Variants in CENPU observed in about 807,000 individuals in gnomAD.
CENPU encodes centromere protein U, also known as KSHV latent nuclear antigen interacting protein 1.
Under a neutral mutation model 56.7 loss-of-function variants are expected in CENPU, and 46 were observed. That is an observed-to-expected ratio of 0.81 (90% CI 0.64 to 1.04). The LOEUF (loss-of-function observed/expected upper bound fraction) is 1.04. Among genes scored for constraint, CENPU ranks in the 50% least tolerant of loss-of-function variants. CENPU has a pLI of 0.00. For missense variants in CENPU, 510 were observed against 490.1 expected (o/e 1.04, Z -0.38); for synonymous variants, 166 against 163.0 (o/e 1.02, Z -0.14).
chr4:184,694,465 T>C lies in CENPU; in HGVS notation c.*823A>G. On this transcript the variant is annotated 3_prime_UTR_variant, in exon 13 of 13. Transcript: ENST00000281453. ...ACATAGAGTATAAGGTTAAATCACA[T>C]ATCCTGAGTAAATATTTTCCTATCC... 1 of 1,569,922 alleles carries C rather than the reference T, an allele frequency of 6.4e-7. No homozygotes were observed. Among genetic ancestry groups the C allele is most frequent in the East Asian group, 2.3e-5 (1 of 44,052 alleles).
chr4:184,718,201 C>T (rs1290761028), intron 4 of CENPU, among the ~76,000 whole-genome samples: 5 of 152,176 alleles, frequency 3.3e-5, no homozygotes, highest in African/African-American at 1.2e-4. Flanking sequence ...CAAGTAAGCA[C>T]AGCAAGGGTC....
intron 4 of CENPU, among the ~76,000 whole-genome samples, chr4:184,723,994 G>A (rs1266081375): frequency 1.3e-5 from 2 of 152,108 alleles, no homozygotes; most frequent in Non-Finnish European, 2.9e-5. Flanking sequence ...GCCGGGTGCA[G>A]TGGCTGACGC....
intron 1 of CENPU, chr4:184,733,533 G>A (rs1761731765): frequency 2.2e-6 from 1 of 454,704 alleles, no homozygotes; most frequent in Non-Finnish European, 2.9e-6. Context: ...CCATCCTGGA[G>A]AACCGCAAGC....
chr4:184,732,680 A>T (rs1761691674), intron 1 of CENPU, among the ~76,000 whole-genome samples: 1 of 152,086 alleles, frequency 6.6e-6, no homozygotes, highest in Admixed American at 6.5e-5. Flanking sequence ...GGGGCTTCTG[A>T]GAGACAGAAA....
At chr4:184,714,481 A>G (rs1761025565) in intron 6 of CENPU, among the ~76,000 whole-genome samples, 1 of 152,166 alleles carries the variant, frequency 6.6e-6, no homozygotes, top group Non-Finnish European at 1.5e-5. Context: ...AGCACAGAGG[A>G]TGGGGATGGA....
At position 184,725,025 on chromosome 4, in the gene CENPU, T is replaced by C; in HGVS notation, c.252A>G (p.Glu84=). The change falls in exon 4 of 13, where the codon GAA becomes GAG. Residue 84 remains glutamate, a synonymous_variant. Transcript: ENST00000281453. ...GTCCACAATGTTTGGAGAATTCTTCTTCATCAGCATATATAGCTGTGCTAT... is the reference window on the plus strand; with the variant it reads ...GTCCACAATGTTTGGAGAATTCTTCCTCATCAGCATATATAGCTGTGCTAT... ...PLHSTAIYAD[E]EEFSKHCGLS... 1 of 1,612,820 alleles carries C rather than the reference T, an allele frequency of 6.2e-7. No homozygotes were observed. The highest frequency in any genetic ancestry group is 8.5e-7 in the Non-Finnish European group (1 of 1,179,342).
intron 7 of CENPU, 108 bp downstream of exon 7, chr4:184,712,836 G>T: frequency 1.4e-6 from 1 of 729,608 alleles, no homozygotes; most frequent in East Asian, 2.8e-5. Context: ...TTTAAAAGTG[G>T]CAATTTTATG....
In CENPU at chr4:184,699,636, T is replaced by G. The variant is rs536592116; in HGVS notation, c.986+1184A>C. 9.4e-4 allele frequency: 1,209 copies of G among 1,285,828 alleles called. 7 individuals carry two copies. The Middle Eastern group carries it at 0.017, about 18-fold the overall frequency. The allele number at this position is 1,285,828 out of a possible 1,614,324, so 79.7% of individuals were successfully genotyped here. ...AGAAACCAACAGATTAGACAACTGC[T>G]TTCTCCCACTTAAACTCCTGTGGCA... On this transcript the variant is annotated intron_variant, in intron 11 of 12. Transcript: ENST00000281453.
At chr4:184,701,169 C>T (rs1760522129) in intron 10 of CENPU, among the ~76,000 whole-genome samples, 1 of 152,120 alleles carries the variant, frequency 6.6e-6, no homozygotes, top group Admixed American at 6.5e-5. Flanking sequence ...ACCCTGTGAC[C>T]TGTAAAGTGA....
chr4:184,728,804 A>G (rs1761541910), intron 3 of CENPU, 114 bp downstream of exon 3: 2 of 737,324 alleles, frequency 2.7e-6, no homozygotes, highest in African/African-American at 3.6e-5. Context: ...AGAACATTAT[A>G]TTTACATGCA....
chr4:184,728,842 C>T, intron 3 of CENPU, 76 bp downstream of exon 3: 1 of 1,034,778 alleles, frequency 9.7e-7, no homozygotes, highest in Admixed American at 2.2e-5. Flanking sequence ...TTTGAAGATA[C>T]TTCTATTTTT....
chr4:184,705,451 C>G (rs55674580), intron 8 of CENPU, among the ~76,000 whole-genome samples: 27,083 of 151,946 alleles, frequency 0.18, 2,714 homozygotes, highest in African/African-American at 0.26. Context: ...ATGAAGACAG[C>G]GGGGGCACGA....
intron 6 of CENPU, among the ~76,000 whole-genome samples, chr4:184,715,120 A>C (rs76383881): frequency 0.042 from 6,442 of 152,278 alleles, 444 homozygotes; most frequent in African/African-American, 0.15. Context: ...TATATAAGAA[A>C]CTATACGGTT....
At chr4:184,716,696 T>C (rs1468325857) in intron 5 of CENPU, 63 bp from the exon 6 acceptor site, 1 of 1,262,364 alleles carries the variant, frequency 7.9e-7, no homozygotes, top group African/African-American at 1.5e-5. Flanking sequence ...ATTCTTACTG[T>C]AATAGTAGAA....
intron 3 of CENPU, 125 bp downstream of exon 3, chr4:184,728,793 G>A (rs1489923718): frequency 1.0e-5 from 7 of 692,708 alleles, no homozygotes; most frequent in Non-Finnish European, 1.8e-5. Flanking sequence ...GTACTCCCCA[G>A]AGAACATTAT....
chr4:184,707,935 A>G (rs1333666998), intron 8 of CENPU, among the ~76,000 whole-genome samples: 1 of 152,194 alleles, frequency 6.6e-6, no homozygotes, highest in Non-Finnish European at 1.5e-5. Context: ...AGCAAGCAGC[A>G]GAAATAGCTG....
intron 3 of CENPU, among the ~76,000 whole-genome samples, chr4:184,728,118 G>T (rs986809867): frequency 3.9e-5 from 6 of 151,998 alleles, no homozygotes; most frequent in African/African-American, 1.4e-4. Context: ...ACCTTAAAAG[G>T]GTGAATTTTA....
At position 184,695,277 on chromosome 4, in the gene CENPU, G is replaced by C; in HGVS notation, c.*11C>G. 6.3e-7 allele frequency: 1 copy of C among 1,578,562 alleles called. No homozygotes were observed. Among genetic ancestry groups the C allele is most frequent in the Non-Finnish European group, 8.7e-7 (1 of 1,148,032 alleles). On this transcript the variant is annotated 3_prime_UTR_variant, in exon 13 of 13. Transcript: ENST00000281453. ...GTCTTCCTATAGGCACATTTTAGTA[G>C]ACTGCTCTTCTCATCCCTGGTCAAG...
At chr4:184,699,454 G>A in intron 11 of CENPU, 1 of 640,174 alleles carries the variant, frequency 1.6e-6, no homozygotes, top group Non-Finnish European at 2.5e-6. Context: ...CTGTGATGAT[G>A]ATGAGTTAGC....
Sources: gnomAD v4.1 joint callset for allele counts (sites outside exome capture counted in the v4.1 genomes callset) on GRCh38, gnomAD v4.1.1 for gene constraint, MANE v1.5 for transcripts, NCBI Gene and HGNC (gene_info 2026-07-23, HGNC 2026-07-21) for gene names.